Variants in IFIH1 observed in about 807,000 individuals in gnomAD.
The protein encoded by IFIH1 is interferon-induced helicase C domain-containing protein 1.
Under a neutral mutation model 107.4 loss-of-function variants are expected in IFIH1, and 125 were observed. The observed-to-expected ratio is 1.16, with a 90% CI of 1.01 to 1.35. The LOEUF is 1.35. Ranked by LOEUF, IFIH1 falls within the 40% of genes most tolerant of loss-of-function variation. The pLI is 0.00. For missense variants in IFIH1, 1,333 were observed against 1,213.7 expected, an observed-to-expected ratio of 1.10 and a Z score of -1.46; for synonymous variants, 458 against 413.2, an observed-to-expected ratio of 1.11 and a Z score of -1.31.
intron 5 of IFIH1, among the ~76,000 whole-genome samples, chr2:162,286,747 G>T (rs1012794095): frequency 5.9e-5 from 9 of 151,812 alleles, no homozygotes; most frequent in African/African-American, 2.2e-4. Context: ...TTTGGATTTG[G>T]CACTTAAAAG....
Position 162,306,810 on chromosome 2 carries a change from T to G in IFIH1, c.668A>C (p.Gln223Pro). The change falls in exon 3 of 16, where the codon CAA becomes CCA. Residue 223 changes from glutamine (Q) to proline (P), a missense_variant. Coordinates refer to ENST00000649979, the MANE Select transcript of IFIH1 (RefSeq NM_022168.4). The part of the protein sequence containing the change: ...SQVDGPQVEE[Q>P]LLSTTVQPNL... ...TGGCTGAACTGTGGTTGAAAGAAGT[T>G]GCTCTTCCACTTGAGGACCATCAAC... 1 of 1,613,942 alleles carries G rather than the reference T, an allele frequency of 6.2e-7. No individual in the cohort carries two copies. Among genetic ancestry groups the G allele is most frequent in the Non-Finnish European group, 8.5e-7 (1 of 1,179,838 alleles).
At chr2:162,282,632 G>T in intron 5 of IFIH1, 56 bp from the exon 6 acceptor site, 1 of 1,211,278 alleles carries the variant, frequency 8.3e-7, no homozygotes, top group Admixed American at 2.1e-5. Flanking sequence ...AGCCAAAAGA[G>T]TGTTGATCAA....
chr2:162,299,747 G>A (rs961496636), intron 3 of IFIH1, among the ~76,000 whole-genome samples: 18 of 152,156 alleles, frequency 1.2e-4, no homozygotes, highest in African/African-American at 3.9e-4. Context: ...GTGTGTGTGT[G>A]AGAAAAAGCA....
At chr2:162,301,581 G>GA (rs1417218727) in intron 3 of IFIH1, among the ~76,000 whole-genome samples, 1 of 152,052 alleles carries the variant, frequency 6.6e-6, no homozygotes, top group Admixed American at 6.5e-5. Context: ...ATAGTATAAT[G>GA]AAAAAAGGTT....
intron 11 of IFIH1, among the ~76,000 whole-genome samples, chr2:162,274,660 A>G (rs1308794519): frequency 1.3e-5 from 2 of 152,232 alleles, no homozygotes; most frequent in East Asian, 1.9e-4. Flanking sequence ...CTGAATTTTG[A>G]AAGTCAATAT....
chr2:162,292,544 T>C (rs2105213703), intron 4 of IFIH1, among the ~76,000 whole-genome samples: 1 of 151,960 alleles, frequency 6.6e-6, no homozygotes, highest in East Asian at 1.9e-4. Flanking sequence ...AATCTTTCTA[T>C]AAACTATTTT....
At position 162,301,897 on chromosome 2, in the gene IFIH1, G is replaced by A. The variant is rs371184850; in HGVS notation, c.769+4812C>T. Among the ~76,000 whole-genome samples, 17 of 152,234 alleles carry A rather than the reference G, an allele frequency of 1.1e-4. 1 individual carries two copies. The highest frequency in any genetic ancestry group is 4.1e-4 in the South Asian group (2 of 4,830). On this transcript the variant is annotated intron_variant, in intron 3 of 15. Coordinates refer to ENST00000649979, the MANE Select transcript of IFIH1 (RefSeq NM_022168.4). ...CATTAAATTGCCATTAATAGTCTGAGAACTGTTCAAATTTTGTTTAGAAAT... is the reference window on the plus strand; with the variant it reads ...CATTAAATTGCCATTAATAGTCTGAAAACTGTTCAAATTTTGTTTAGAAAT...
At chr2:162,283,061 C>T (rs969797544) in intron 5 of IFIH1, among the ~76,000 whole-genome samples, 1 of 151,356 alleles carries the variant, frequency 6.6e-6, no homozygotes, top group Non-Finnish European at 1.5e-5. Context: ...TAGAGCAGTG[C>T]CAGGTTATAA....
intron 5 of IFIH1, among the ~76,000 whole-genome samples, chr2:162,284,285 GTGGAAAGAGACAGCA>G (rs1682860324): frequency 6.6e-6 from 1 of 151,886 alleles, no homozygotes; most frequent in African/African-American, 2.4e-5. Context: ...ATTAAGTTTA[GTGGAAAGAGACAGCA>G]TGATGCAGAG....
chr2:162,267,554 T>A lies in IFIH1; in HGVS notation c.2823A>T (p.Val941=), dbSNP rs1559808805. The change falls in exon 15 of 16, where the codon GTA becomes GTT. Residue 941 remains valine, a synonymous_variant. Coordinates refer to ENST00000649979, the MANE Select transcript of IFIH1 (RefSeq NM_022168.4). Reference sequence around the variant, plus strand: ...TCTTTTGCAGTGCTTTGTTTTCTCTTACAATGTAAAGTTCCCTATAAGTAT... The same window carrying A: ...TCTTTTGCAGTGCTTTGTTTTCTCTAACAATGTAAAGTTCCCTATAAGTAT... ...MTPEFKELYI[V]RENKALQKKC... The A allele has an allele frequency of 6.2e-7, 1 of 1,609,906 alleles. No homozygotes were observed. The highest frequency in any genetic ancestry group is 8.5e-7 in the Non-Finnish European group (1 of 1,176,048).
chr2:162,290,088 G>C (rs1382121503), intron 4 of IFIH1, among the ~76,000 whole-genome samples: 5 of 151,704 alleles, frequency 3.3e-5, no homozygotes, highest in Admixed American at 6.6e-5. Flanking sequence ...TCTAAACAAA[G>C]ACCCAGAAAT....
intron 3 of IFIH1, among the ~76,000 whole-genome samples, chr2:162,298,163 T>G (rs550577837): frequency 6.6e-6 from 1 of 152,168 alleles, no homozygotes; most frequent in Non-Finnish European, 1.5e-5. Flanking sequence ...AGTGGACAAG[T>G]AGGCATTCTT....
chr2:162,298,845 G>T (rs1683143567), intron 3 of IFIH1, among the ~76,000 whole-genome samples: 2 of 151,818 alleles, frequency 1.3e-5, no homozygotes, highest in Non-Finnish European at 2.9e-5. Flanking sequence ...TCCTCTCCGT[G>T]CCAGGGAACA....
intron 11 of IFIH1, among the ~76,000 whole-genome samples, chr2:162,275,174 T>C (rs1691128426): frequency 6.6e-6 from 1 of 152,108 alleles, no homozygotes; most frequent in South Asian, 2.1e-4. Context: ...GTTTACAAGG[T>C]GAGGATACAA....
At chr2:162,311,695 T>C (rs1271279927) in intron 1 of IFIH1, among the ~76,000 whole-genome samples, 1 of 152,158 alleles carries the variant, frequency 6.6e-6, no homozygotes, top group African/African-American at 2.4e-5. Context: ...GGTCCTAATA[T>C]AGCAATAAGG....
intron 3 of IFIH1, among the ~76,000 whole-genome samples, chr2:162,301,396 C>T (rs747805323): frequency 6.6e-5 from 10 of 152,128 alleles, no homozygotes; most frequent in Non-Finnish European, 1.5e-5. Flanking sequence ...CAATCTGAGG[C>T]ATTTGCATTT....
At chr2:162,274,319 A>G (rs1003495177) in intron 11 of IFIH1, among the ~76,000 whole-genome samples, 6 of 152,210 alleles carry the variant, frequency 3.9e-5, no homozygotes, top group Non-Finnish European at 7.3e-5. Context: ...CATTAACTTC[A>G]GAATCTTTGC....
At chr2:162,301,431 G>T (rs561358283) in intron 3 of IFIH1, among the ~76,000 whole-genome samples, 1 of 152,128 alleles carries the variant, frequency 6.6e-6, no homozygotes, top group Admixed American at 6.5e-5. Flanking sequence ...TAGGGCAGCT[G>T]TAACACAATG....
At chr2:162,294,590 C>T (rs1307364164) in intron 3 of IFIH1, among the ~76,000 whole-genome samples, 2 of 151,820 alleles carry the variant, frequency 1.3e-5, no homozygotes, top group African/African-American at 2.4e-5. Flanking sequence ...GAGGCTAATC[C>T]CACTTACTTC....
Sources: gnomAD v4.1 joint callset for allele counts (sites outside exome capture counted in the v4.1 genomes callset) on GRCh38, gnomAD v4.1.1 for gene constraint, MANE v1.5 for transcripts, NCBI Gene and HGNC (gene_info 2026-07-23, HGNC 2026-07-21) for gene names.